Variants in KRT72 observed in about 807,000 individuals in gnomAD.
The protein encoded by KRT72 is keratin, type II cytoskeletal 72.
KRT72 carries 44 observed loss-of-function variants against 44.7 expected under a neutral mutation model. That is an observed-to-expected ratio of 0.98 (90% CI 0.77 to 1.27). The LOEUF is 1.27. Ranked by LOEUF, KRT72 falls within the 50% of genes most tolerant of loss-of-function variation. KRT72 has a pLI of 0.00. For missense variants in KRT72, 736 were observed against 667.1 expected (o/e 1.10, Z -1.14); for synonymous variants, 302 against 280.4 (o/e 1.08, Z -0.77).
chr12:52,595,991 A>C (rs1485759489), intron 2 of KRT72, among the ~76,000 whole-genome samples: 1 of 145,966 alleles, frequency 6.9e-6, no homozygotes, highest in African/African-American at 2.6e-5. Flanking sequence ...TTTAATGGTG[A>C]GTCATTATGT....
rs1210736483 is a variant in KRT72 at position 52,601,351 on chromosome 12, G to C, written c.102C>G (p.Phe34Leu). The change falls in exon 1 of 9, where the codon TTC becomes TTG. Residue 34 changes from phenylalanine (F) to leucine (L), a missense_variant. By Grantham distance (22) the Phe-to-Leu change is conservative. Coordinates refer to ENST00000293745, the MANE Select transcript of KRT72 (RefSeq NM_080747.3). The part of the protein sequence containing the change: ...SGGIGSSSAS[F>L]RARVKGSASF... ...AGGCCGAGCCCTTGACCCGGGCCCGGAATGAGGCGGAGCTGCTGCCGATCC... is the reference window on the plus strand; with the variant it reads ...AGGCCGAGCCCTTGACCCGGGCCCGCAATGAGGCGGAGCTGCTGCCGATCC... 7.8e-6 allele frequency: 12 copies of C among 1,544,298 alleles called. No individual in the cohort carries two copies. The highest frequency in any genetic ancestry group is 1.0e-5 in the Non-Finnish European group (12 of 1,146,796).
At chr12:52,599,959 T>C (rs1330728927) in intron 1 of KRT72, among the ~76,000 whole-genome samples, 1 of 152,180 alleles carries the variant, frequency 6.6e-6, no homozygotes, top group Non-Finnish European at 1.5e-5. Flanking sequence ...ACCATAAATG[T>C]CAGCTATTGT....
chr12:52,588,173 T>G (rs1481687196), intron 6 of KRT72, among the ~76,000 whole-genome samples: 2 of 152,258 alleles, frequency 1.3e-5, no homozygotes, highest in East Asian at 3.8e-4. Context: ...AAGATTCTTA[T>G]GTCAACTCTG....
chr12:52,589,372 C>T (rs1939907040), intron 6 of KRT72, among the ~76,000 whole-genome samples: 1 of 152,152 alleles, frequency 6.6e-6, no homozygotes, highest in Admixed American at 6.5e-5. Flanking sequence ...GCCTTCTAAC[C>T]ACAGAAAACC....
Position 52,591,553 on chromosome 12 carries a change from G to C in KRT72, c.874C>G (p.Leu292Val). 1 of 1,614,062 alleles carries C rather than the reference G, an allele frequency of 6.2e-7. No individual in the cohort carries two copies. Among genetic ancestry groups the C allele is most frequent in the Non-Finnish European group, 8.5e-7 (1 of 1,179,940 alleles). Residue 292 changes from leucine (L) to valine (V), a missense_variant, in exon 5 of 9, where the codon CTG (leucine) becomes GTG (valine). Physicochemically the swap from Leu to Val is conservative, Grantham distance 32 (BLOSUM62 1). Transcript: ENST00000293745. ...CGGACCTCGGCAATGATGCTGTCCA[G>C]GTCCAGATCCCGGTTGTTGTCCATT... ...LSMDNNRDLD[L>V]DSIIAEVRAQ...
chr12:52,600,832 T>C (rs898562031), intron 1 of KRT72, among the ~76,000 whole-genome samples, 195 bp downstream of exon 1: 1 of 152,192 alleles, frequency 6.6e-6, no homozygotes, highest in African/African-American at 2.4e-5. Flanking sequence ...TCTGAGCACT[T>C]CGTAAACATC....
intron 6 of KRT72, among the ~76,000 whole-genome samples, chr12:52,590,282 C>T (rs943738691): frequency 6.6e-6 from 1 of 152,210 alleles, no homozygotes; most frequent in African/African-American, 2.4e-5. Flanking sequence ...GGGCCCTGAG[C>T]CCGATCTGGG....
chr12:52,586,812 G>T, intron 8 of KRT72, 134 bp downstream of exon 8: 1 of 830,518 alleles, frequency 1.2e-6, no homozygotes, highest in Admixed American at 1.9e-5. Context: ...ACTACAGCCA[G>T]CTCCTTCCTT....
rs73320342 is a variant in KRT72, at chr12:52,585,936, G to A, written c.*46C>T. On this transcript the variant is annotated 3_prime_UTR_variant, in exon 9 of 9. Coordinates refer to ENST00000293745, the MANE Select transcript of KRT72 (RefSeq NM_080747.3). ...GCCCAGGGAAGGAGAGGGAGGAGACGGGTGAGTTGGGAAGCCTTCTGCTCA... is the reference window on the plus strand; with the variant it reads ...GCCCAGGGAAGGAGAGGGAGGAGACAGGTGAGTTGGGAAGCCTTCTGCTCA... 2.6e-4 allele frequency: 401 copies of A among 1,537,262 alleles called. No homozygotes were observed. The highest frequency in any genetic ancestry group is 1.2e-3 in the African/African-American group (86 of 73,258).
At position 52,601,383 on chromosome 12, in the gene KRT72, A is replaced by G. The variant is rs1408642668; in HGVS notation, c.70T>C (p.Ser24Pro). 1 of 1,542,706 alleles carries G rather than the reference A, an allele frequency of 6.5e-7. No homozygotes were observed. Among genetic ancestry groups the G allele is most frequent in the Admixed American group, 2.0e-5 (1 of 51,064 alleles). Residue 24 changes from serine (S) to proline (P), a missense_variant, in exon 1 of 9, where the codon TCT becomes CCT. Physicochemically the swap from Ser to Pro is moderately conservative, Grantham distance 74. Transcript: ENST00000293745. The stretch of plus-strand genomic sequence containing the variant: ...GCGGAGCTGCTGCCGATCCCGCCAG[A>G]GAGGACCGCGGAGCAACCGCTGAAG... Reference protein sequence around the residue: ...LGFSGCSAVLSGGIGSSSASF... With the variant: ...LGFSGCSAVLPGGIGSSSASF...
chr12:52,586,941 CT>C lies in KRT72; in HGVS notation c.1345+4del. 1 of 1,613,140 alleles carries C rather than the reference CT, an allele frequency of 6.2e-7. No individual in the cohort carries two copies. Among genetic ancestry groups the C allele is most frequent in the Non-Finnish European group, 8.5e-7 (1 of 1,179,110 alleles). On this transcript the variant is annotated splice_donor_region_variant and intron_variant, in intron 8 of 8. Coordinates refer to ENST00000293745, the MANE Select transcript of KRT72 (RefSeq NM_080747.3). The stretch of plus-strand genomic sequence containing the variant: ...AGGGCAGAACTGAGATCTGCAGATA[CT>C]TACAGATGCTCACAGAATTTGGATA...
At chr12:52,586,438 G>C (rs1237403361) in intron 8 of KRT72, among the ~76,000 whole-genome samples, 2 of 152,224 alleles carry the variant, frequency 1.3e-5, no homozygotes, top group Non-Finnish European at 2.9e-5. Flanking sequence ...CAAATGAAGA[G>C]AGGCACTTCC....
chr12:52,598,860 C>A, intron 2 of KRT72, 38 bp downstream of exon 2: 1 of 1,588,654 alleles, frequency 6.3e-7, no homozygotes, highest in Non-Finnish European at 8.6e-7. Context: ...CATTTGAAAT[C>A]AGATCCTCCA....
chr12:52,601,918 C>A (rs73320371), upstream of KRT72, among the ~76,000 whole-genome samples: 1 of 152,130 alleles, frequency 6.6e-6, no homozygotes, highest in Non-Finnish European at 1.5e-5. Flanking sequence ...TCAAGACTAT[C>A]GCAGAAAATC....
chr12:52,590,942 G>A lies in KRT72; in HGVS notation c.983C>T (p.Thr328Ile). The change falls in exon 6 of 9, where the codon ACA becomes ATA. Residue 328 changes from threonine to isoleucine, a missense_variant. Physicochemically the swap from Thr to Ile is moderately conservative, Grantham distance 89. Transcript: ENST00000293745. The stretch of plus-strand genomic sequence containing the variant: ...GAGGTCATCCCCATGCTGGCCTGCT[G>A]TGACCTGCAGCTCCTGGATCTGAGG... ...YQTKIQELQV[T>I]AGQHGDDLKL... 1 of 1,599,052 alleles carries A rather than the reference G, an allele frequency of 6.3e-7. No individual in the cohort carries two copies. The highest frequency in any genetic ancestry group is 8.6e-7 in the Non-Finnish European group (1 of 1,169,522).
chr12:52,593,450 G>A (rs1389480396), intron 2 of KRT72, among the ~76,000 whole-genome samples: 2 of 152,240 alleles, frequency 1.3e-5, no homozygotes, highest in African/African-American at 2.4e-5. Context: ...ACACAGAAAT[G>A]TGGTTAGGAC....
chr12:52,598,550 G>T (rs1940296703), intron 2 of KRT72, among the ~76,000 whole-genome samples: 1 of 152,018 alleles, frequency 6.6e-6, no homozygotes, highest in Non-Finnish European at 1.5e-5. Context: ...CTTTTTTTTA[G>T]ATTTAAAATT....
intron 4 of KRT72, 85 bp from the exon 5 acceptor site, chr12:52,591,713 C>T (rs762095191): frequency 1.5e-6 from 2 of 1,316,182 alleles, no homozygotes; most frequent in Non-Finnish European, 2.1e-6. Flanking sequence ...AAATTCCTCA[C>T]TGTCCCTCTG....
intron 4 of KRT72, among the ~76,000 whole-genome samples, chr12:52,592,028 C>A (rs949639194): frequency 6.6e-6 from 1 of 152,176 alleles, no homozygotes; most frequent in African/African-American, 2.4e-5. Context: ...GGCTCCTGGA[C>A]CTTCTATTTT....
Sources: gnomAD v4.1 joint callset for allele counts (sites outside exome capture counted in the v4.1 genomes callset) on GRCh38, gnomAD v4.1.1 for gene constraint, MANE v1.5 for transcripts, NCBI Gene and HGNC (gene_info 2026-07-23, HGNC 2026-07-21) for gene names.